The following CNTN1 variants were observed in gnomAD, a reference collection of about 807,000 sequenced individuals.
The protein encoded by CNTN1 is contactin 1, also known as contactin-1.
In CNTN1, 38 loss-of-function variants were observed where a neutral mutation model predicts 126.4. The observed-to-expected ratio is 0.30, with a 90% CI of 0.23 to 0.39. CNTN1 has a LOEUF of 0.39. CNTN1 is among the 10% of genes least tolerant of loss of function. The pLI is 1.00. For missense variants in CNTN1, 1,009 were observed against 1,248.4 expected (o/e 0.81, Z 2.89); for synonymous variants, 413 against 422.6 (o/e 0.98, Z 0.28).
Position 40,908,406 on chromosome 12 carries a change from T to C in CNTN1, c.-27T>C, listed in dbSNP as rs1712197721. ...TAGAGCTAAATTCTTTTTTGGAAAA[T>C]TGAACCGAACTTCTACTGAATACAA... On this transcript the variant is annotated 5_prime_UTR_variant, in exon 2 of 24. Coordinates refer to ENST00000551295, the MANE Select transcript of CNTN1 (RefSeq NM_001843.4). 1 of 1,608,444 alleles carries C rather than the reference T, an allele frequency of 6.2e-7. No homozygotes were observed. Among genetic ancestry groups the C allele is most frequent in the Non-Finnish European group, 8.5e-7 (1 of 1,175,540 alleles).
chr12:40,772,752 C>T (rs17612659), intron 1 of CNTN1, among the ~76,000 whole-genome samples: 20,574 of 151,800 alleles, frequency 0.14, 1,613 homozygotes, highest in South Asian at 0.21. Flanking sequence ...GGAATCAATG[C>T]GCCAGATAAA....
At chr12:40,750,273 T>C (rs1387925323) in intron 1 of CNTN1, among the ~76,000 whole-genome samples, 1 of 152,054 alleles carries the variant, frequency 6.6e-6, no homozygotes, top group African/African-American at 2.4e-5. Context: ...TAGAGAGGAA[T>C]TATCAATGAG....
intron 3 of CNTN1, among the ~76,000 whole-genome samples, chr12:40,916,238 G>A (rs1195368083): frequency 6.6e-6 from 1 of 152,026 alleles, no homozygotes; most frequent in Admixed American, 6.6e-5. Context: ...TAGATATATT[G>A]ATTTCTCTAC....
intron 1 of CNTN1, among the ~76,000 whole-genome samples, chr12:40,862,300 C>A (rs1029616009): frequency 6.6e-6 from 1 of 152,006 alleles, no homozygotes; most frequent in Non-Finnish European, 1.5e-5. Flanking sequence ...TTCTGTAGAT[C>A]CAGGTTGTGT....
chr12:40,874,984 T>G (rs1943620561), intron 1 of CNTN1, among the ~76,000 whole-genome samples: 1 of 152,084 alleles, frequency 6.6e-6, no homozygotes, highest in South Asian at 2.1e-4. Context: ...AATAAGGTAA[T>G]CAGGCCAAGA....
intron 1 of CNTN1, chr12:40,729,052 G>A (rs1463049399): frequency 6.4e-6 from 1 of 157,366 alleles, no homozygotes; most frequent in East Asian, 1.8e-4. Flanking sequence ...CCATACACTG[G>A]TAAACTTAGG....
intron 1 of CNTN1, among the ~76,000 whole-genome samples, chr12:40,806,344 C>A (rs577842322): frequency 6.6e-6 from 1 of 152,124 alleles, no homozygotes; most frequent in African/African-American, 2.4e-5. Flanking sequence ...ATCCAGTCCT[C>A]CCCCAGAGAG....
intron 1 of CNTN1, among the ~76,000 whole-genome samples, chr12:40,891,494 T>C (rs1944236740): frequency 6.6e-6 from 1 of 152,156 alleles, no homozygotes; most frequent in African/African-American, 2.4e-5. Flanking sequence ...CTAGGTTACC[T>C]TGTAGGAGTT....
intron 16 of CNTN1, among the ~76,000 whole-genome samples, chr12:40,985,882 C>T (rs1034786716): frequency 2.6e-5 from 4 of 151,752 alleles, no homozygotes; most frequent in Non-Finnish European, 4.4e-5. Flanking sequence ...TGTGTGCACG[C>T]ACGCATGTGT....
chr12:40,917,079 T>A (rs1243707387), intron 3 of CNTN1, among the ~76,000 whole-genome samples: 1 of 145,184 alleles, frequency 6.9e-6, no homozygotes, highest in Non-Finnish European at 1.5e-5. Flanking sequence ...GGGGCAGAAC[T>A]AACTTGAGGA....
intron 1 of CNTN1, among the ~76,000 whole-genome samples, chr12:40,877,978 C>T (rs892984763): frequency 2.2e-5 from 3 of 133,438 alleles, no homozygotes; most frequent in African/African-American, 8.7e-5. Context: ...ACCAAAGAAA[C>T]AGTTTTTTCC....
Position 40,936,804 on chromosome 12 carries a change from A to C in CNTN1, c.1009A>C (p.Ile337Leu). The change falls in exon 10 of 24, where the codon ATC becomes CTC. Residue 337 changes from isoleucine (I) to leucine (L), a missense_variant. Transcript: ENST00000551295. ...AGCATTCCCTGAGTGGGTAGAACAC[A>C]TCAATGACACAGAGGTGGACATAGG... ...VQAFPEWVEH[I>L]NDTEVDIGSD... 1 of 1,613,310 alleles carries C rather than the reference A, an allele frequency of 6.2e-7. No individual in the cohort carries two copies. The highest frequency in any genetic ancestry group is 8.5e-7 in the Non-Finnish European group (1 of 1,179,382).
rs1380406582 is a variant in CNTN1, at chr12:41,029,227, A to T, written c.2980+8A>T. 1.2e-5 allele frequency: 19 copies of T among 1,613,850 alleles called. No individual in the cohort carries two copies. Among genetic ancestry groups the T allele is most frequent in the Non-Finnish European group, 1.6e-5 (19 of 1,179,904 alleles). On this transcript the variant is annotated splice_region_variant and intron_variant, in intron 23 of 23. Coordinates refer to ENST00000551295, the MANE Select transcript of CNTN1 (RefSeq NM_001843.4). ...CTCAAGTCAAAATTTCAGGTAAGTG[A>T]GTCATTTAAGACACATTTCAACTAA...
rs78987396 is a variant in CNTN1 at position 40,768,323 on chromosome 12, C to T, written c.-77+75731C>T. Among the ~76,000 whole-genome samples, 837 of 152,302 alleles carry T rather than the reference C, an allele frequency of 5.5e-3. 5 individuals carry two copies. Among genetic ancestry groups the T allele is most frequent in the Middle Eastern group, 0.01 (3 of 294 alleles). ...CTCAAGTTGGTTCCTCCACCGCGAG[C>T]CCGCAGATCTTTGTCCATACCCGGG... On this transcript the variant is annotated intron_variant, in intron 1 of 23. Transcript: ENST00000551295.
intron 1 of CNTN1, chr12:40,730,024 C>G (rs1197254372): frequency 1.3e-5 from 2 of 152,176 alleles, no homozygotes; most frequent in Non-Finnish European, 2.9e-5. Flanking sequence ...TAAGAAAGGA[C>G]TATAGCAATT....
chr12:41,004,275 C>A (rs1224219883), intron 17 of CNTN1, among the ~76,000 whole-genome samples: 1 of 152,060 alleles, frequency 6.6e-6, no homozygotes, highest in East Asian at 1.9e-4. Context: ...TTCTTGATTT[C>A]TAATTTGATT....
At chr12:40,957,930 G>T (rs1946950676) in intron 14 of CNTN1, among the ~76,000 whole-genome samples, 2 of 152,138 alleles carry the variant, frequency 1.3e-5, no homozygotes, top group South Asian at 4.1e-4. Flanking sequence ...GAGGGAACAT[G>T]ATATATGAAG....
chr12:40,835,986 ATGTG>A (rs752905803), intron 1 of CNTN1, among the ~76,000 whole-genome samples: 7 of 51,346 alleles, frequency 1.4e-4, no homozygotes, highest in African/African-American at 2.3e-4. Context: ...AGGTATATAT[ATGTG>A]TGTGTGTGTG....
intron 1 of CNTN1, among the ~76,000 whole-genome samples, chr12:40,827,415 T>C (rs987997220): frequency 2.4e-5 from 3 of 126,896 alleles, no homozygotes; most frequent in Admixed American, 8.7e-5. Flanking sequence ...GTTATTCAAA[T>C]GAGTCCTGGT....
Sources: gnomAD v4.1 joint callset for allele counts (sites outside exome capture counted in the v4.1 genomes callset) on GRCh38, gnomAD v4.1.1 for gene constraint, MANE v1.5 for transcripts, NCBI Gene and HGNC (gene_info 2026-07-23, HGNC 2026-07-21) for gene names.